The following TRAK2 variants were observed in gnomAD, a reference collection of about 807,000 sequenced individuals.
TRAK2 encodes the protein trafficking kinesin-binding protein 2.
Under a neutral mutation model 104.6 loss-of-function variants are expected in TRAK2, and 81 were observed. The ratio of observed to expected loss-of-function variants is 0.77; its 90% CI spans 0.65 to 0.93. TRAK2 has a LOEUF of 0.93. Ranked by LOEUF, TRAK2 falls within the 40% of genes least tolerant of loss-of-function variation. TRAK2 has a pLI of 0.00. For missense variants in TRAK2, 1,002 were observed against 1,089.0 expected (o/e 0.92, Z 1.12); for synonymous variants, 406 against 394.4 (o/e 1.03, Z -0.35).
At chr2:201,391,826 T>G (rs1951450682) in intron 10 of TRAK2, among the ~76,000 whole-genome samples, 1 of 152,118 alleles carries the variant, frequency 6.6e-6, no homozygotes, top group Non-Finnish European at 1.5e-5. Context: ...AATCCTAAAC[T>G]GAGGACATCC....
chr2:201,390,551 G>A (rs1239083522), intron 10 of TRAK2, among the ~76,000 whole-genome samples: 2 of 125,686 alleles, frequency 1.6e-5, no homozygotes, highest in Admixed American at 9.5e-5. Context: ...GTGACAGAGC[G>A]AGACTCCGTC....
At position 201,420,601 on chromosome 2, in the gene TRAK2, T is replaced by G; in HGVS notation, c.-94A>C. Reference sequence around the variant, plus strand: ...AAGCCATTCAATAATGAAATGGATTTGGTCACATGGATATTTTCTTTTAGA... The same window carrying G: ...AAGCCATTCAATAATGAAATGGATTGGGTCACATGGATATTTTCTTTTAGA... On this transcript the variant is annotated 5_prime_UTR_variant, in exon 2 of 16. Coordinates refer to ENST00000332624, the MANE Select transcript of TRAK2 (RefSeq NM_015049.3). The G allele has an allele frequency of 9.8e-7, 1 of 1,020,876 alleles. No individual in the cohort carries two copies. The highest frequency in any genetic ancestry group is 1.5e-6 in the Non-Finnish European group (1 of 661,824). The allele number at this position is 1,020,876 out of a possible 1,614,324, so 63.2% of individuals were successfully genotyped here. A position where few individuals can be genotyped will look rare whatever the true frequency, so the allele number is the denominator to read the frequency against.
chr2:201,444,794 C>T (rs901989347), intron 1 of TRAK2, among the ~76,000 whole-genome samples: 17 of 151,854 alleles, frequency 1.1e-4, no homozygotes, highest in African/African-American at 4.1e-4. Context: ...CCTTGCTGAT[C>T]AGAAGAGGAA....
intron 13 of TRAK2, among the ~76,000 whole-genome samples, chr2:201,387,344 G>A (rs1284965466): frequency 6.6e-6 from 1 of 152,116 alleles, no homozygotes; most frequent in African/African-American, 2.4e-5. Context: ...GGAAGGTGGA[G>A]ATGAATTATT....
At chr2:201,401,129 A>G (rs1377976733) in intron 3 of TRAK2, 35 bp from the exon 4 acceptor site, 2 of 1,420,398 alleles carry the variant, frequency 1.4e-6, no homozygotes, top group African/African-American at 2.9e-5. Context: ...TATAGGCTTT[A>G]GCAATAATGA....
intron 1 of TRAK2, among the ~76,000 whole-genome samples, chr2:201,445,309 C>T (rs531397278): frequency 1.4e-4 from 21 of 152,234 alleles, no homozygotes; most frequent in African/African-American, 4.8e-4. Context: ...GGTCAAACAG[C>T]TGTTCATTGA....
At position 201,407,431 on chromosome 2, in the gene TRAK2, G is replaced by A. The variant is rs1185187043; in HGVS notation, c.258C>T (p.Val86=). Residue 86 remains valine, a synonymous_variant, in exon 3 of 16, where the codon GTC becomes GTT. Transcript: ENST00000332624. ...TGTAACGGAAAGTCTCTTCAGCAAG[G>A]ACTGGAGAGAGAGCATCAGATGCAT... is the stretch of plus-strand genomic sequence containing the variant. ...RQHASDALSP[V]LAEETFRYMI... 1.9e-6 allele frequency: 3 copies of A among 1,613,928 alleles called. No individual in the cohort carries two copies. Among genetic ancestry groups the A allele is most frequent in the South Asian group, 2.2e-5 (2 of 91,048 alleles).
Position 201,394,803 on chromosome 2 carries a change from T to C in TRAK2, c.970A>G (p.Met324Val), listed in dbSNP as rs1380091494. The C allele has an allele frequency of 5.6e-6, 9 of 1,613,666 alleles. No homozygotes were observed. Among genetic ancestry groups the C allele is most frequent in the South Asian group, 1.1e-5 (1 of 91,062 alleles). Residue 324 changes from methionine to valine, a missense_variant, in exon 9 of 16, where the codon ATG becomes GTG. Coordinates refer to ENST00000332624, the MANE Select transcript of TRAK2 (RefSeq NM_015049.3). Reference sequence around the variant, plus strand: ...CAAGATAAAGATTTCATTACCTCCATTGTCAGTTGCCGTTGGGCATCTTTG... The same window carrying C: ...CAAGATAAAGATTTCATTACCTCCACTGTCAGTTGCCGTTGGGCATCTTTG... ...ASKDAQRQLT[M>V]ELHELQDRNM...
chr2:201,393,092 C>G lies in TRAK2; in HGVS notation c.976-46G>C, dbSNP rs778885391. 3.2e-6 allele frequency: 5 copies of G among 1,541,576 alleles called. No homozygotes were observed. In the South Asian group the frequency reaches 5.0e-5, roughly 15 times the overall value. Reference sequence around the variant, plus strand: ...GTACTTTATTGCCTTCCCAAAACAACATTAGGGAAAAAAAACCCGAAACCT... The same window carrying G: ...GTACTTTATTGCCTTCCCAAAACAAGATTAGGGAAAAAAAACCCGAAACCT... On this transcript the variant is annotated intron_variant, in intron 9 of 15. Coordinates refer to ENST00000332624, the MANE Select transcript of TRAK2 (RefSeq NM_015049.3).
At chr2:201,405,181 T>C (rs183187618) in intron 3 of TRAK2, among the ~76,000 whole-genome samples, 1 of 152,316 alleles carries the variant, frequency 6.6e-6, no homozygotes, top group Admixed American at 6.5e-5. Context: ...AAAATAAATC[T>C]GCTAACCTCT....
intron 1 of TRAK2, among the ~76,000 whole-genome samples, chr2:201,431,955 T>C (rs951039632): frequency 2.0e-5 from 3 of 152,204 alleles, no homozygotes; most frequent in African/African-American, 7.2e-5. Flanking sequence ...CAGAGGGTTA[T>C]TGGGAAATAA....
intron 7 of TRAK2, among the ~76,000 whole-genome samples, chr2:201,396,097 A>G (rs1455689836): frequency 1.3e-5 from 2 of 152,184 alleles, no homozygotes; most frequent in Non-Finnish European, 1.5e-5. Flanking sequence ...TCTCTATCTC[A>G]TATGAAAAAT....
In TRAK2 at chr2:201,425,693, GC is replaced by G. The variant is rs1951781398; in HGVS notation, c.-199-4988del. On this transcript the variant is annotated intron_variant, in intron 1 of 15. Transcript: ENST00000332624. Reference sequence around the variant, plus strand: ...TGGGATTACAGGCATGAGCCACCGTGCCCCACTCCAGAAAGCATTGCTTTTT... The same window carrying G: ...TGGGATTACAGGCATGAGCCACCGTGCCCACTCCAGAAAGCATTGCTTTTT... Among the ~76,000 whole-genome samples the G allele has an allele frequency of 2.7e-5, 4 of 150,636 alleles. No individual in the cohort carries two copies. In the Admixed American group the frequency reaches 2.7e-4, roughly 10 times the overall value.
intron 5 of TRAK2, 117 bp from the exon 6 acceptor site, chr2:201,398,471 T>G: frequency 1.0e-6 from 1 of 986,328 alleles, no homozygotes. Flanking sequence ...CAAAATCAGC[T>G]GCTAGGTTTT....
chr2:201,388,204 T>C, intron 12 of TRAK2: 3 of 599,216 alleles, frequency 5.0e-6, no homozygotes, highest in Non-Finnish European at 9.0e-6. Flanking sequence ...TGCAAATGAC[T>C]TGAAAGGCAA....
intron 1 of TRAK2, among the ~76,000 whole-genome samples, chr2:201,443,579 C>T (rs1951942087): frequency 1.3e-5 from 2 of 152,204 alleles, no homozygotes; most frequent in Admixed American, 1.3e-4. Flanking sequence ...GACTCCCAAT[C>T]TGGCTCTTCA....
intron 7 of TRAK2, among the ~76,000 whole-genome samples, chr2:201,396,037 T>C (rs1317287791): frequency 6.6e-6 from 1 of 152,200 alleles, no homozygotes; most frequent in Non-Finnish European, 1.5e-5. Flanking sequence ...CTGGCCTTCT[T>C]ACATGCACAT....
chr2:201,389,810 A>G lies in TRAK2; in HGVS notation c.1184T>C (p.Phe395Ser). 1 of 1,612,292 alleles carries G rather than the reference A, an allele frequency of 6.2e-7. No individual in the cohort carries two copies. Among genetic ancestry groups the G allele is most frequent in the Non-Finnish European group, 8.5e-7 (1 of 1,179,190 alleles). The change falls in exon 11 of 16, where the codon TTT becomes TCT. Residue 395 changes from phenylalanine to serine, a missense_variant. Coordinates refer to ENST00000332624, the MANE Select transcript of TRAK2 (RefSeq NM_015049.3). Reference protein sequence around the residue: ...KLSLDEESSLFKQKAQQKRVF... With the variant: ...KLSLDEESSLSKQKAQQKRVF... ...TGTGACCTGTACTTACTTTTGTTTA[A>G]AGAGAGAAGATTCCTCATCCAAACT...
chr2:201,425,471 G>A (rs1048685828), intron 1 of TRAK2, among the ~76,000 whole-genome samples: 6 of 152,012 alleles, frequency 3.9e-5, no homozygotes, highest in Admixed American at 1.3e-4. Flanking sequence ...GTGCGATCTC[G>A]GCTCACTGCA....
Sources: allele counts gnomAD v4.1 joint callset (sites outside exome capture counted in the v4.1 genomes callset), GRCh38; gene constraint gnomAD v4.1.1; transcripts MANE v1.5; gene names NCBI Gene and HGNC (gene_info 2026-07-23, HGNC 2026-07-21).